The following ANO6 variants were observed in gnomAD, a reference collection of about 807,000 sequenced individuals.
ANO6 encodes the protein anoctamin 6.
ANO6 carries 106 observed loss-of-function variants against 117.5 expected under a neutral mutation model. The ratio of observed to expected loss-of-function variants is 0.90; its 90% CI spans 0.77 to 1.06. The LOEUF (loss-of-function observed/expected upper bound fraction) is 1.06, where lower values mean the gene tolerates loss of function less well. Ranked by LOEUF, ANO6 falls within the 50% of genes least tolerant of loss-of-function variation. The pLI is 0.00. For missense variants in ANO6, 955 were observed against 1,121.1 expected, an observed-to-expected ratio of 0.85 and a Z score of 2.12; for synonymous variants, 367 against 385.1, an observed-to-expected ratio of 0.95 and a Z score of 0.55.
chr12:45,218,243 A>G (rs920291825), intron 1 of ANO6, among the ~76,000 whole-genome samples: 2 of 152,058 alleles, frequency 1.3e-5, no homozygotes, highest in African/African-American at 4.8e-5. Context: ...TCTCTACTGT[A>G]GGGGTCATCT....
chr12:45,299,382 A>G (rs1939405503), intron 1 of ANO6, among the ~76,000 whole-genome samples: 1 of 152,180 alleles, frequency 6.6e-6, no homozygotes, highest in Admixed American at 6.5e-5. Flanking sequence ...GCCTTTGCTC[A>G]TCTCATCTGT....
chr12:45,420,252 T>C (rs1359728814), intron 17 of ANO6, among the ~76,000 whole-genome samples: 1 of 152,154 alleles, frequency 6.6e-6, no homozygotes, highest in East Asian at 1.9e-4. Flanking sequence ...CAGTTTACCT[T>C]CTGTGTTTAT....
At chr12:45,290,628 C>A (rs779379291) in intron 1 of ANO6, among the ~76,000 whole-genome samples, 5 of 152,178 alleles carry the variant, frequency 3.3e-5, no homozygotes, top group Non-Finnish European at 5.9e-5. Flanking sequence ...ACAATTAATA[C>A]TGTTTGCCAT....
chr12:45,317,578 A>G (rs2137354471), intron 2 of ANO6, among the ~76,000 whole-genome samples: 1 of 151,986 alleles, frequency 6.6e-6, no homozygotes. Context: ...GCTGCAATAA[A>G]CATACGTGTG....
intron 1 of ANO6, among the ~76,000 whole-genome samples, chr12:45,287,817 T>A: frequency 6.6e-6 from 1 of 152,164 alleles, no homozygotes; most frequent in East Asian, 1.9e-4. Flanking sequence ...TGTGGAAAAT[T>A]TGGAAAACGT....
intron 8 of ANO6, among the ~76,000 whole-genome samples, chr12:45,363,256 T>A (rs112933054): frequency 0.013 from 1,961 of 152,278 alleles, 39 homozygotes; most frequent in African/African-American, 0.043. Flanking sequence ...CAGATTCAGA[T>A]TTTTGAATTA....
chr12:45,398,654 A>G (rs532898499), intron 12 of ANO6, among the ~76,000 whole-genome samples: 9 of 152,320 alleles, frequency 5.9e-5, no homozygotes, highest in African/African-American at 1.9e-4. Context: ...AAAATATTCT[A>G]CTTCTCAACC....
At chr12:45,288,633 G>A (rs2137271503) in intron 1 of ANO6, among the ~76,000 whole-genome samples, 1 of 152,332 alleles carries the variant, frequency 6.6e-6, no homozygotes, top group African/African-American at 2.4e-5. Flanking sequence ...TCATCAGTCA[G>A]TGGACACTTG....
At chr12:45,289,885 C>T (rs185989444) in intron 1 of ANO6, among the ~76,000 whole-genome samples, 10 of 152,204 alleles carry the variant, frequency 6.6e-5, no homozygotes, top group South Asian at 2.1e-4. Context: ...TGAATATATT[C>T]GTAGTTATTA....
At chr12:45,364,917 T>G (rs1159126841) in intron 8 of ANO6, among the ~76,000 whole-genome samples, 1 of 152,248 alleles carries the variant, frequency 6.6e-6, no homozygotes, top group Non-Finnish European at 1.5e-5. Flanking sequence ...ATCAGGTATT[T>G]TCCCTGTTCA....
chr12:45,337,333 A>G (rs1940855351), intron 3 of ANO6, among the ~76,000 whole-genome samples: 2 of 152,104 alleles, frequency 1.3e-5, no homozygotes, highest in Admixed American at 6.6e-5. Context: ...AATACTTACC[A>G]TGGTGTTACA....
rs183911980 is a variant in ANO6 at position 45,295,429 on chromosome 12, G to A, written c.71-6585G>A. 1.6e-3 allele frequency among the ~76,000 whole-genome samples: 244 copies of A among 152,352 alleles called. 1 individual carries two copies. The highest frequency in any genetic ancestry group is 5.3e-3 in the African/African-American group (220 of 41,586). On this transcript the variant is annotated intron_variant, in intron 1 of 19. Coordinates refer to ENST00000320560, the MANE Select transcript of ANO6 (RefSeq NM_001025356.3). Reference sequence around the variant, plus strand: ...GAGAATGATGCAGGAGCAGCGGGGCGGGGATAGACTCAGCTGAAGTGATGT... The same window carrying A: ...GAGAATGATGCAGGAGCAGCGGGGCAGGGATAGACTCAGCTGAAGTGATGT...
intron 10 of ANO6, among the ~76,000 whole-genome samples, chr12:45,381,459 G>A (rs1942166971): frequency 6.6e-6 from 1 of 152,176 alleles, no homozygotes; most frequent in African/African-American, 2.4e-5. Flanking sequence ...CTGTGATCAT[G>A]CACGGTCACC....
In ANO6 at chr12:45,400,505, A is replaced by G. The variant is rs187741884; in HGVS notation, c.1387-1290A>G. ...GCAGATTTCTTAAAGAGCAAGAAAA[A>G]CATCTTTTTTAACACTTAACTTTGG... On this transcript the variant is annotated intron_variant, in intron 12 of 19. Transcript: ENST00000320560. Among the ~76,000 whole-genome samples the G allele has an allele frequency of 5.9e-5, 9 of 152,298 alleles. No homozygotes were observed. In the East Asian group the frequency reaches 1.7e-3, roughly 29 times the overall value.
chr12:45,401,668 GC>G, intron 12 of ANO6, 126 bp from the exon 13 acceptor site: 1 of 798,524 alleles, frequency 1.3e-6, no homozygotes, highest in South Asian at 1.5e-5. Flanking sequence ...TTCTACCACC[GC>G]TGGTATCACT....
chr12:45,401,628 T>C (rs1481976910), intron 12 of ANO6, among the ~76,000 whole-genome samples, 167 bp from the exon 13 acceptor site: 1 of 152,222 alleles, frequency 6.6e-6, no homozygotes, highest in East Asian at 1.9e-4. Flanking sequence ...TCATTCCTTT[T>C]TCTTTTTAAA....
rs114282815 is a variant in ANO6 at position 45,342,027 on chromosome 12, A to G, written c.280-4995A>G. Reference sequence around the variant, plus strand: ...CAAAATGAAGCTGTTTTTTCCCTCTATCTTTTAGATGAAACTGCTGATGAT... The same window carrying G: ...CAAAATGAAGCTGTTTTTTCCCTCTGTCTTTTAGATGAAACTGCTGATGAT... On this transcript the variant is annotated intron_variant, in intron 3 of 19. Transcript: ENST00000320560. Among the ~76,000 whole-genome samples, 307 of 152,138 alleles carry G rather than the reference A, an allele frequency of 2.0e-3. 2 individuals carry two copies. The highest frequency in any genetic ancestry group is 7.0e-3 in the African/African-American group (289 of 41,494).
intron 1 of ANO6, among the ~76,000 whole-genome samples, chr12:45,246,291 C>A (rs547615808): frequency 6.6e-6 from 1 of 152,312 alleles, no homozygotes; most frequent in South Asian, 2.1e-4. Context: ...TGAGTAAAGA[C>A]TGAAACTTGG....
At chr12:45,261,216 A>G (rs1287456386) in intron 1 of ANO6, among the ~76,000 whole-genome samples, 2 of 152,230 alleles carry the variant, frequency 1.3e-5, no homozygotes, top group South Asian at 2.1e-4. Flanking sequence ...GGAACAAAGA[A>G]TAGGAAAATT....
Sources: allele counts gnomAD v4.1 joint callset (sites outside exome capture counted in the v4.1 genomes callset), GRCh38; gene constraint gnomAD v4.1.1; transcripts MANE v1.5; gene names NCBI Gene and HGNC (gene_info 2026-07-23, HGNC 2026-07-21).